The following TRIM33 variants were observed in gnomAD, a reference collection of about 807,000 sequenced individuals.
TRIM33 encodes the protein tripartite motif containing 33, also known as E3 ubiquitin-protein ligase TRIM33.
A neutral mutation model predicts 125.4 loss-of-function variants in TRIM33; 20 were observed. The ratio of observed to expected loss-of-function variants is 0.16; its 90% CI spans 0.11 to 0.23. TRIM33 has a LOEUF of 0.23. Among genes scored for constraint, TRIM33 ranks in the 10% least tolerant of loss-of-function variants. The probability of loss-of-function intolerance (pLI) is 1.00; values close to 1 mark genes in which losing one functional copy is unlikely to be tolerated. For missense variants in TRIM33, 920 were observed against 1,411.4 expected (o/e 0.65, Z 5.58); for synonymous variants, 564 against 513.9 (o/e 1.10, Z -1.32).
rs946891323 is a variant in TRIM33 at position 114,396,757 on chromosome 1, T to C, written c.*891A>G. 4 of 207,762 alleles carry C rather than the reference T, an allele frequency of 1.9e-5. No homozygotes were observed. In the East Asian group the frequency reaches 2.2e-4, roughly 11 times the overall value. 12.9% of individuals were successfully genotyped at this position (207,762 alleles called of 1,614,324 possible). On this transcript the variant is annotated 3_prime_UTR_variant, in exon 20 of 20. Coordinates refer to ENST00000358465, the MANE Select transcript of TRIM33 (RefSeq NM_015906.4). ...TGCCAATAGTGGTCTATCAGAAAACTGACATGAAGGAAGACTGGAAAAGAG... is the reference window on the plus strand; with the variant it reads ...TGCCAATAGTGGTCTATCAGAAAACCGACATGAAGGAAGACTGGAAAAGAG...
At chr1:114,482,398 G>A (rs1329101159) in intron 1 of TRIM33, among the ~76,000 whole-genome samples, 1 of 152,090 alleles carries the variant, frequency 6.6e-6, no homozygotes. Flanking sequence ...GGGAAGAAAG[G>A]GGAACGAAAC....
intron 1 of TRIM33, among the ~76,000 whole-genome samples, chr1:114,470,073 A>G (rs1477289600): frequency 6.6e-6 from 1 of 152,240 alleles, no homozygotes; most frequent in African/African-American, 2.4e-5. Context: ...TCATATACGA[A>G]GAACACTAAT....
At chr1:114,425,832 G>A (rs1350680586) in intron 8 of TRIM33, 109 bp from the exon 9 acceptor site, 1 of 728,568 alleles carries the variant, frequency 1.4e-6, no homozygotes, top group Non-Finnish European at 2.3e-6. Flanking sequence ...GCACCTCAAA[G>A]CTCCAACAGT....
At chr1:114,408,988 A>G (rs1357739404) in intron 12 of TRIM33, among the ~76,000 whole-genome samples, 1 of 152,186 alleles carries the variant, frequency 6.6e-6, no homozygotes, top group Non-Finnish European at 1.5e-5. Flanking sequence ...CAGACCAAGA[A>G]AACGTTATCT....
chr1:114,411,662 G>T (rs1272002886), intron 11 of TRIM33, among the ~76,000 whole-genome samples: 1 of 152,140 alleles, frequency 6.6e-6, no homozygotes. Flanking sequence ...CCTGCAATTT[G>T]TATCTTTTGC....
At chr1:114,428,824 T>C (rs1311106658) in intron 6 of TRIM33, among the ~76,000 whole-genome samples, 1 of 152,174 alleles carries the variant, frequency 6.6e-6, no homozygotes, top group Non-Finnish European at 1.5e-5. Flanking sequence ...GTGGCGTATT[T>C]ACCATTAGGT....
chr1:114,427,259 C>A lies in TRIM33; in HGVS notation c.1338G>T (p.Arg446=). 2 of 1,598,576 alleles carry A rather than the reference C, an allele frequency of 1.3e-6. No individual in the cohort carries two copies. Among genetic ancestry groups the A allele is most frequent in the Non-Finnish European group, 1.7e-6 (2 of 1,170,552 alleles). The change falls in exon 8 of 20, where the codon CGG becomes CGT. Residue 446 remains arginine, a synonymous_variant. Transcript: ENST00000358465. ...TFQLRHILKA[R]CDPVPAANGA... ...CATTAGCAGCAGGGACAGGATCACA[C>A]CGTGCTTTCAAAATATGACGCAACT... is the stretch of plus-strand genomic sequence containing the variant.
At chr1:114,436,291 A>G in intron 4 of TRIM33, among the ~76,000 whole-genome samples, 1 of 147,298 alleles carries the variant, frequency 6.8e-6, no homozygotes, top group South Asian at 2.3e-4. Context: ...AGTCCCAGCT[A>G]GTTGAGATGC....
At chr1:114,498,972 G>C (rs1652550645) in intron 1 of TRIM33, among the ~76,000 whole-genome samples, 2 of 152,034 alleles carry the variant, frequency 1.3e-5, no homozygotes, top group Non-Finnish European at 2.9e-5. Context: ...AATAGATGAA[G>C]AGATCCAAGA....
rs1651362274 is a variant in TRIM33, at chr1:114,393,034, T to C, written c.*4614A>G. 1 of 199,904 alleles carries C rather than the reference T, an allele frequency of 5.0e-6. No homozygotes were observed. The allele number at this position is 199,904 out of a possible 1,614,324, so 12.4% of individuals were successfully genotyped here. A position where few individuals can be genotyped will look rare whatever the true frequency, so the allele number is the denominator to read the frequency against. On this transcript the variant is annotated 3_prime_UTR_variant, in exon 20 of 20. Transcript: ENST00000358465. ...TGTTTTAAAAAATTAAATATGATTATTTAGAGAATACGATACCACAGAAAC... is the reference window on the plus strand; with the variant it reads ...TGTTTTAAAAAATTAAATATGATTACTTAGAGAATACGATACCACAGAAAC...
At chr1:114,460,171 C>G in intron 4 of TRIM33, 1 of 192,180 alleles carries the variant, frequency 5.2e-6, no homozygotes, top group Admixed American at 4.9e-5. Context: ...ATCATCAACA[C>G]TGAACAGGTG....
Position 114,424,647 on chromosome 1 carries a change from T to A in TRIM33, c.1804A>T (p.Ile602Leu), listed in dbSNP as rs377578650. 3 of 1,611,364 alleles carry A rather than the reference T, an allele frequency of 1.9e-6. No homozygotes were observed. In the African/African-American group the frequency reaches 4.0e-5, roughly 22 times the overall value. The change falls in exon 10 of 20, where the codon ATA becomes TTA. Residue 602 changes from isoleucine (I) to leucine (L), a missense_variant. This residue lies in a region of TRIM33 where 407 missense variants were observed against 589.7 expected (regional missense o/e 0.69). Coordinates refer to ENST00000358465, the MANE Select transcript of TRIM33 (RefSeq NM_015906.4). ...LAQNAARIPG[I>L]PRHSGPQYSM... Reference sequence around the variant, plus strand: ...TATTGAGGGCCGCTGTGCCTGGGTATCCCTGGTATTCTGGCAGCATTCTGA... The same window carrying A: ...TATTGAGGGCCGCTGTGCCTGGGTAACCCTGGTATTCTGGCAGCATTCTGA...
At chr1:114,428,257 A>T (rs931399671) in intron 6 of TRIM33, among the ~76,000 whole-genome samples, 5 of 152,228 alleles carry the variant, frequency 3.3e-5, no homozygotes, top group Admixed American at 6.5e-5. Flanking sequence ...TATACTTTAA[A>T]GGCCAAAAAA....
intron 4 of TRIM33, among the ~76,000 whole-genome samples, chr1:114,445,150 T>A (rs1191858231): frequency 1.3e-5 from 2 of 152,014 alleles, no homozygotes; most frequent in Non-Finnish European, 2.9e-5. Flanking sequence ...GAGAATAAAT[T>A]CAAGAAAAAT....
Position 114,405,580 on chromosome 1 carries a change from G to A in TRIM33, c.2598C>T (p.Ser866=), listed in dbSNP as rs763784470. 6.2e-7 allele frequency: 1 copy of A among 1,614,138 alleles called. No individual in the cohort carries two copies. Among genetic ancestry groups the A allele is most frequent in the Non-Finnish European group, 8.5e-7 (1 of 1,180,038 alleles). ...SLVNGKSPIR[S]LMHRSARIGG... ...CAATCCTTGCCGACCTGTGCATGAG[G>A]CTTCGAATTGGGGACTTTCCATTAA... Residue 866 remains serine, a synonymous_variant, in exon 15 of 20, where the codon AGC becomes AGT. Coordinates refer to ENST00000358465, the MANE Select transcript of TRIM33 (RefSeq NM_015906.4).
At chr1:114,481,610 CAAAA>C (rs920122793) in intron 1 of TRIM33, among the ~76,000 whole-genome samples, 3 of 125,778 alleles carry the variant, frequency 2.4e-5, no homozygotes, top group African/African-American at 9.0e-5. Context: ...CCAAGAAAAA[CAAAA>C]AAAAAGAAAA....
chr1:114,405,134 A>G (rs1018313768), intron 15 of TRIM33: 4 of 279,836 alleles, frequency 1.4e-5, no homozygotes, highest in Non-Finnish European at 2.6e-5. Flanking sequence ...TTGTAACCTT[A>G]GCCCCCTATT....
chr1:114,426,521 TTAA>T (rs1647594390), intron 8 of TRIM33, among the ~76,000 whole-genome samples: 1 of 149,938 alleles, frequency 6.7e-6, no homozygotes. Flanking sequence ...TTTTTTTTTT[TTAA>T]AAAAAAAGGG....
intron 6 of TRIM33, among the ~76,000 whole-genome samples, chr1:114,428,722 A>C (rs555371192): frequency 6.6e-6 from 1 of 152,236 alleles, no homozygotes; most frequent in Non-Finnish European, 1.5e-5. Flanking sequence ...CATTTCTTTT[A>C]TAAAGCTTAG....
Sources: gnomAD v4.1 joint callset for allele counts (sites outside exome capture counted in the v4.1 genomes callset) on GRCh38, gnomAD v4.1.1 for gene constraint, gnomAD v4.1.1 regional missense constraint, MANE v1.5 for transcripts, NCBI Gene and HGNC (gene_info 2026-07-23, HGNC 2026-07-21) for gene names.